Variants in PCDHA12 observed in about 807,000 individuals in gnomAD.
PCDHA12 encodes the protein protocadherin alpha 12, also known as protocadherin alpha-12.
A neutral mutation model predicts 60.0 loss-of-function variants in PCDHA12; 44 were observed. The ratio of observed to expected loss-of-function variants is 0.73; its 90% CI spans 0.58 to 0.94. PCDHA12 has a LOEUF of 0.94. PCDHA12 is among the 40% of genes least tolerant of loss of function. The pLI is 0.00. For synonymous variants in PCDHA12, 569 were observed against 553.0 expected (o/e 1.03, Z -0.40); for missense variants, 1,276 against 1,239.7 (o/e 1.03, Z -0.44).
chr5:141,010,063 G>C lies in PCDHA12; in HGVS notation c.*126G>C, dbSNP rs1393265789. ...CTCTTAGAGACCTCAGAAATCTGCA[G>C]AAAGTTCCCTGTGTCTGTCTAGAAC... On this transcript the variant is annotated 3_prime_UTR_variant, in exon 4 of 4. Transcript: ENST00000398631. 31 of 1,602,790 alleles carry C rather than the reference G, an allele frequency of 1.9e-5. No individual in the cohort carries two copies. The highest frequency in any genetic ancestry group is 2.6e-5 in the Non-Finnish European group (31 of 1,174,498).
chr5:140,914,130 A>G (rs552189632), intron 1 of PCDHA12, among the ~76,000 whole-genome samples: 2 of 152,146 alleles, frequency 1.3e-5, no homozygotes, highest in African/African-American at 4.8e-5. Flanking sequence ...TTCTTTGTTG[A>G]GTTTTTGTCT....
chr5:140,887,045 T>C (rs2061271952), intron 1 of PCDHA12, among the ~76,000 whole-genome samples: 1 of 152,108 alleles, frequency 6.6e-6, no homozygotes, highest in Non-Finnish European at 1.5e-5. Context: ...TTTTTTATAG[T>C]GCATATGTTC....
intron 1 of PCDHA12, among the ~76,000 whole-genome samples, chr5:140,918,378 T>C (rs2078665832): frequency 6.6e-6 from 1 of 152,192 alleles, no homozygotes; most frequent in South Asian, 2.1e-4. Flanking sequence ...GGATGCCTTT[T>C]ATTTCTTTCT....
At chr5:140,878,545 A>G (rs1554170455) in intron 1 of PCDHA12, among the ~76,000 whole-genome samples, 1 of 152,228 alleles carries the variant, frequency 6.6e-6, no homozygotes, top group African/African-American at 2.4e-5. Context: ...AACCAGTTTC[A>G]GATGATCCCA....
intron 1 of PCDHA12, among the ~76,000 whole-genome samples, chr5:140,892,029 T>C (rs954107632): frequency 2.0e-4 from 30 of 152,336 alleles, no homozygotes; most frequent in Middle Eastern, 6.8e-3. Context: ...TGGTCTAAGA[T>C]ACTTTTATTT....
At position 140,877,217 on chromosome 5, in the gene PCDHA12, C is replaced by T. The variant is rs571871387; in HGVS notation, c.1745C>T (p.Pro582Leu). ...SAGGAVSELV[P>L]RSVGAGHVVA... ...GGAGGCGCAGTTAGCGAGTTGGTAC[C>T]GCGGTCGGTGGGTGCGGGCCACGTG... The change falls in exon 1 of 4, where the codon CCG becomes CTG. Residue 582 changes from proline (P) to leucine (L), a missense_variant. Coordinates refer to ENST00000398631, the MANE Select transcript of PCDHA12 (RefSeq NM_018903.4). 144 of 1,613,624 alleles carry T rather than the reference C, an allele frequency of 8.9e-5. No individual in the cohort carries two copies. Among genetic ancestry groups the T allele is most frequent in the Non-Finnish European group, 1.2e-4 (138 of 1,179,784 alleles).
At chr5:140,991,648 A>G (rs2097463830) in intron 3 of PCDHA12, among the ~76,000 whole-genome samples, 1 of 152,192 alleles carries the variant, frequency 6.6e-6, no homozygotes, top group Non-Finnish European at 1.5e-5. Context: ...GTTCATGACA[A>G]TTTAGGTTTG....
intron 1 of PCDHA12, among the ~76,000 whole-genome samples, chr5:140,976,461 G>A (rs935204153): frequency 1.3e-5 from 2 of 152,120 alleles, no homozygotes; most frequent in African/African-American, 4.8e-5. Flanking sequence ...TGGGGAAGAA[G>A]AATTGCTTGA....
In PCDHA12 at chr5:140,898,801, A is replaced by T. The variant is rs1275933236; in HGVS notation, c.2367+20962A>T. The stretch of plus-strand genomic sequence containing the variant: ...TGGGCAGTATGGCCATTTTCACGAT[A>T]CTGATTCTTCCTACCCATGAGCATG... On this transcript the variant is annotated intron_variant, in intron 1 of 3. Coordinates refer to ENST00000398631, the MANE Select transcript of PCDHA12 (RefSeq NM_018903.4). Among the ~76,000 whole-genome samples the T allele has an allele frequency of 1.3e-5, 2 of 152,200 alleles. 1 individual carries two copies. The highest frequency in any genetic ancestry group is 3.8e-4 in the East Asian group (2 of 5,198).
At chr5:140,925,108 G>GAAGGAA (rs2082318586) in intron 1 of PCDHA12, among the ~76,000 whole-genome samples, 1 of 124,702 alleles carries the variant, frequency 8.0e-6, no homozygotes, top group African/African-American at 3.3e-5. Context: ...GAAGGAAGGA[G>GAAGGAA]GGAAGGAAGG....
chr5:141,009,178 G>A (rs1233603015), intron 3 of PCDHA12, among the ~76,000 whole-genome samples: 1 of 152,212 alleles, frequency 6.6e-6, no homozygotes, highest in African/African-American at 2.4e-5. Context: ...GCCTTGGCTG[G>A]GTGTGGTAGC....
chr5:140,939,510 A>G (rs2092401222), intron 1 of PCDHA12, among the ~76,000 whole-genome samples: 1 of 150,724 alleles, frequency 6.6e-6, no homozygotes, highest in Admixed American at 6.6e-5. Flanking sequence ...TGTCTATAAC[A>G]TTAATAGTTA....
At chr5:140,986,673 A>G (rs782404000) in intron 3 of PCDHA12, among the ~76,000 whole-genome samples, 2 of 152,168 alleles carry the variant, frequency 1.3e-5, no homozygotes. Context: ...TTTTCAGAAG[A>G]GTTCAGAAAG....
At position 140,875,449 on chromosome 5, in the gene PCDHA12, A is replaced by T; in HGVS notation, c.-24A>T. ...CGATCCCTTAAAACTGATTGTCCCA[A>T]CTCAGAGGCCCTCATTTTCTGCAAT... is the stretch of plus-strand genomic sequence containing the variant. On this transcript the variant is annotated 5_prime_UTR_variant, in exon 1 of 4. Transcript: ENST00000398631. The T allele has an allele frequency of 1.3e-6, 2 of 1,590,426 alleles. No homozygotes were observed. Among genetic ancestry groups the T allele is most frequent in the Non-Finnish European group, 8.6e-7 (1 of 1,168,358 alleles).
intron 1 of PCDHA12, among the ~76,000 whole-genome samples, chr5:140,886,636 G>A (rs555391002): frequency 2.6e-5 from 4 of 151,866 alleles, no homozygotes; most frequent in Non-Finnish European, 4.4e-5. Flanking sequence ...GACCAGCCTG[G>A]CCAACATGGT....
chr5:140,967,757 T>C, intron 1 of PCDHA12: 1 of 1,614,216 alleles, frequency 6.2e-7, no homozygotes, highest in Non-Finnish European at 8.5e-7. Flanking sequence ...AGCCTCCTCC[T>C]ACCAGATCTA....
rs1301631971 is a variant in PCDHA12, at chr5:141,011,367, C to G, written c.*1430C>G. ...CAATCTCCCATATGTATGCTGTATG[C>G]TATGCTAAGACTCCTGAAATATACT... On this transcript the variant is annotated 3_prime_UTR_variant, in exon 4 of 4. Transcript: ENST00000398631. The G allele has an allele frequency of 1.3e-5, 2 of 153,830 alleles. No homozygotes were observed. The highest frequency in any genetic ancestry group is 1.3e-4 in the Admixed American group (2 of 15,298). 9.5% of individuals were successfully genotyped at this position (153,830 alleles called of 1,614,324 possible). A position where few individuals can be genotyped will look rare whatever the true frequency, so the allele number is the denominator to read the frequency against.
intron 1 of PCDHA12, among the ~76,000 whole-genome samples, chr5:140,941,599 G>A (rs1017713166): frequency 3.3e-5 from 5 of 152,116 alleles, no homozygotes; most frequent in African/African-American, 1.2e-4. Flanking sequence ...ACAGCCATGA[G>A]CCATGGTGCC....
intron 1 of PCDHA12, among the ~76,000 whole-genome samples, chr5:140,914,220 C>T (rs1210445622): frequency 6.6e-6 from 1 of 152,212 alleles, no homozygotes; most frequent in South Asian, 2.1e-4. Flanking sequence ...TCTCTTTTAG[C>T]TCTAATACTA....
Sources: allele counts gnomAD v4.1 joint callset (sites outside exome capture counted in the v4.1 genomes callset), GRCh38; gene constraint gnomAD v4.1.1; transcripts MANE v1.5; gene names NCBI Gene and HGNC (gene_info 2026-07-23, HGNC 2026-07-21).